FBXO34: variants seen among roughly 807,000 people sequenced by gnomAD.
FBXO34 encodes F-box protein 34.
Under a neutral mutation model 24.5 loss-of-function variants are expected in FBXO34, and 12 were observed. That is an observed-to-expected ratio of 0.49 (90% CI 0.31 to 0.79). The LOEUF is 0.79. Ranked by LOEUF, FBXO34 falls within the 30% of genes least tolerant of loss-of-function variation. The pLI, the probability that FBXO34 is intolerant of heterozygous loss-of-function variation, is 0.04. For synonymous variants in FBXO34, 320 were observed against 311.9 expected, an observed-to-expected ratio of 1.03 and a Z score of -0.27; for missense variants, 823 against 857.7, an observed-to-expected ratio of 0.96 and a Z score of 0.51.
intron 1 of FBXO34, among the ~76,000 whole-genome samples, chr14:55,290,421 T>A (rs2880104): frequency 0.15 from 22,466 of 151,776 alleles, 4,201 homozygotes; most frequent in African/African-American, 0.44. Flanking sequence ...ATAAATAAAT[T>A]AATTAATTAA....
At chr14:55,437,144 T>G in the FBXO34 span, 1 of 795,358 alleles carries the variant, frequency 1.3e-6, no homozygotes, top group Non-Finnish European at 2.0e-6. Flanking sequence ...CAAGATTGCT[T>G]GTATTCATGC....
At chr14:55,378,009 T>A in the FBXO34 span, 52 of 1,612,494 alleles carry the variant, frequency 3.2e-5, no homozygotes, top group Non-Finnish European at 4.2e-5. Flanking sequence ...GTAAAGAATA[T>A]TTGCATTCAG....
At chr14:55,360,599 C>T (rs1199645031) in intron 3 of FBXO34, among the ~76,000 whole-genome samples, 1 of 151,980 alleles carries the variant, frequency 6.6e-6, no homozygotes, top group African/African-American at 2.4e-5. Flanking sequence ...GTTTTTTTCA[C>T]TCTATTTTTA....
chr14:55,307,532 A>G (rs997504413), intron 1 of FBXO34, among the ~76,000 whole-genome samples: 6 of 152,320 alleles, frequency 3.9e-5, no homozygotes, highest in African/African-American at 1.2e-4. Flanking sequence ...AAATTTGGTT[A>G]TAATCCCTTT....
chr14:55,349,602 A>ATTTTTTTTTTTT (rs1555339656), intron 1 of FBXO34, among the ~76,000 whole-genome samples: 1 of 90,372 alleles, frequency 1.1e-5, no homozygotes, highest in East Asian at 3.0e-4. Context: ...GGAAGCAATA[A>ATTTTTTTTTTTT]TTTTCTTTTT....
At chr14:55,427,468 C>G in the FBXO34 span, among the ~76,000 whole-genome samples, 1 of 152,126 alleles carries the variant, frequency 6.6e-6, no homozygotes, top group African/African-American at 2.4e-5. Context: ...GAAAGCACAG[C>G]AATATGATCC....
the FBXO34 span, among the ~76,000 whole-genome samples, chr14:55,393,111 G>A: frequency 1.3e-5 from 2 of 152,290 alleles, no homozygotes; most frequent in South Asian, 2.1e-4. Flanking sequence ...ACTGGGCGCG[G>A]TGGCTCACGC....
intron 3 of FBXO34, among the ~76,000 whole-genome samples, chr14:55,359,795 G>T (rs898963576): frequency 6.6e-6 from 1 of 151,850 alleles, no homozygotes; most frequent in African/African-American, 2.4e-5. Flanking sequence ...TCTTTATCAG[G>T]AATAGATTTC....
chr14:55,411,579 T>C, the FBXO34 span: 61 of 1,588,300 alleles, frequency 3.8e-5, no homozygotes, highest in African/African-American at 5.4e-5. Flanking sequence ...GAAGAAACAA[T>C]AGGGCCGTGG....
At chr14:55,439,616 C>CCCCCCCCCCCG in the FBXO34 span, among the ~76,000 whole-genome samples, 1 of 102,384 alleles carries the variant, frequency 9.8e-6, no homozygotes. Context: ...AAAAGCAAAC[C>CCCCCCCCCCCG]CCCCCCCGTC....
the FBXO34 span, chr14:55,411,946 C>T: frequency 1.2e-6 from 1 of 851,568 alleles, no homozygotes; most frequent in Non-Finnish European, 1.8e-6. Context: ...CCCTCCGCCG[C>T]CGCGTGTTCC....
chr14:55,309,708 AC>A lies in FBXO34; in HGVS notation c.-11+38172del, dbSNP rs1882671691. On this transcript the variant is annotated intron_variant, in intron 1 of 1. Transcript: ENST00000313833. ...TGTTTTTTATTTTTTTGCTTGCTTG[AC>A]TGTTAGTAATTTACATACTAACTGG... is the stretch of plus-strand genomic sequence containing the variant. 4.6e-5 allele frequency among the ~76,000 whole-genome samples: 7 copies of A among 152,278 alleles called. No homozygotes were observed. In the South Asian group the frequency reaches 1.5e-3, roughly 32 times the overall value.
chr14:55,390,366 T>C, the FBXO34 span, among the ~76,000 whole-genome samples: 2 of 151,866 alleles, frequency 1.3e-5, no homozygotes, highest in Non-Finnish European at 2.9e-5. Flanking sequence ...CCACCGTGCC[T>C]GGCCAACTTT....
chr14:55,440,709 C>T, the FBXO34 span: 5 of 749,870 alleles, frequency 6.7e-6, no homozygotes, highest in Admixed American at 1.7e-4. Context: ...CGGAGAGGGG[C>T]GTCTCGCCTG....
the FBXO34 span, chr14:55,433,541 C>CT: frequency 8.0e-7 from 1 of 1,251,118 alleles, no homozygotes; most frequent in East Asian, 2.3e-5. Context: ...TTTGCTTCTA[C>CT]TATGTGCTTT....
intron 1 of FBXO34, among the ~76,000 whole-genome samples, chr14:55,278,602 C>G (rs1018635847): frequency 6.6e-6 from 1 of 152,108 alleles, no homozygotes; most frequent in Non-Finnish European, 1.5e-5. Flanking sequence ...CTATCAAGTC[C>G]AGAGGAAAAT....
chr14:55,437,095 G>C, the FBXO34 span: 2 of 1,222,672 alleles, frequency 1.6e-6, no homozygotes, highest in Non-Finnish European at 2.4e-6. Flanking sequence ...TGTCACTATG[G>C]CAGGCAGGCA....
chr14:55,398,583 A>G, the FBXO34 span, among the ~76,000 whole-genome samples: 1 of 152,144 alleles, frequency 6.6e-6, no homozygotes, highest in Admixed American at 6.5e-5. Context: ...TAGGTAGCTT[A>G]CTGTTATTGT....
At chr14:55,429,276 G>A in the FBXO34 span, among the ~76,000 whole-genome samples, 3 of 152,140 alleles carry the variant, frequency 2.0e-5, no homozygotes, top group South Asian at 2.1e-4. Context: ...CCAAGGATTC[G>A]CAAAGTGTGT....
Sources: gnomAD v4.1 joint callset for allele counts (sites outside exome capture counted in the v4.1 genomes callset) on GRCh38, gnomAD v4.1.1 for gene constraint, MANE v1.5 for transcripts, NCBI Gene and HGNC (gene_info 2026-07-23, HGNC 2026-07-21) for gene names.